Variants in CACNA1D observed in about 807,000 individuals in gnomAD.
The protein encoded by CACNA1D is calcium voltage-gated channel subunit alpha1 D, also known as voltage-dependent L-type calcium channel subunit alpha-1D.
Under a neutral mutation model 257.1 loss-of-function variants are expected in CACNA1D, and 55 were observed. The ratio of observed to expected loss-of-function variants is 0.21; its 90% CI spans 0.17 to 0.27. CACNA1D has a LOEUF of 0.27. Among genes scored for constraint, CACNA1D ranks in the 10% least tolerant of loss-of-function variants. CACNA1D has a pLI of 1.00. For synonymous variants in CACNA1D, 980 were observed against 1,014.9 expected, an observed-to-expected ratio of 0.97 and a Z score of 0.65; for missense variants, 1,876 against 2,784.0, an observed-to-expected ratio of 0.67 and a Z score of 7.34.
chr3:53,797,034 T>C (rs1328677057), intron 40 of CACNA1D, among the ~76,000 whole-genome samples: 1 of 152,170 alleles, frequency 6.6e-6, no homozygotes, highest in Admixed American at 6.5e-5. Flanking sequence ...TATGAAAGAA[T>C]AGATAATTTT....
chr3:53,786,056 TA>T (rs1232175014), intron 39 of CACNA1D: 1 of 152,324 alleles, frequency 6.6e-6, no homozygotes. Flanking sequence ...CAAAGTGGTT[TA>T]CCATGAGACA....
Position 53,811,206 on chromosome 3 carries a change from A to T in CACNA1D, c.6286A>T (p.Ile2096Phe), listed in dbSNP as rs200161467. Residue 2096 changes from isoleucine to phenylalanine, a missense_variant, in exon 48 of 48, where the codon ATC becomes TTC. Transcript: ENST00000350061. The surrounding 1 kb of genome is among the most constrained non-coding windows in gnomAD (Gnocchi z 4.2). ...AATCGCTGATGCCTGTGACCTCACCATCGACGAGATGGAGAGTGCAGCCAG... is the reference window on the plus strand; with the variant it reads ...AATCGCTGATGCCTGTGACCTCACCTTCGACGAGATGGAGAGTGCAGCCAG... Reference protein sequence around the residue: ...HEIADACDLTIDEMESAASTL... With the variant: ...HEIADACDLTFDEMESAASTL... 8.7e-6 allele frequency: 14 copies of T among 1,614,110 alleles called. No individual in the cohort carries two copies. Among genetic ancestry groups the T allele is most frequent in the Non-Finnish European group, 1.2e-5 (14 of 1,180,008 alleles).
chr3:53,715,581 C>G (rs777145999), intron 9 of CACNA1D, among the ~76,000 whole-genome samples: 10 of 152,140 alleles, frequency 6.6e-5, no homozygotes, highest in Non-Finnish European at 1.2e-4. Flanking sequence ...CCTCACTGAT[C>G]ATCCAGCCCT....
chr3:53,656,805 G>T (rs2108306859), intron 4 of CACNA1D, among the ~76,000 whole-genome samples: 1 of 152,306 alleles, frequency 6.6e-6, no homozygotes, highest in Non-Finnish European at 1.5e-5. Flanking sequence ...CATCTGAAAA[G>T]ATGCTCAACA....
At chr3:53,757,596 C>T (rs1221480941) in intron 29 of CACNA1D, among the ~76,000 whole-genome samples, 1 of 152,242 alleles carries the variant, frequency 6.6e-6, no homozygotes, top group African/African-American at 2.4e-5. Context: ...CACTGGCCAC[C>T]TATTGCTTGA....
At chr3:53,641,048 G>A (rs1040899309) in intron 3 of CACNA1D, among the ~76,000 whole-genome samples, 4 of 152,176 alleles carry the variant, frequency 2.6e-5, no homozygotes, top group African/African-American at 4.8e-5. Flanking sequence ...AAGAGCAGAC[G>A]TGAAGACCGT....
At chr3:53,559,052 A>T (rs1417098973) in intron 3 of CACNA1D, among the ~76,000 whole-genome samples, 1 of 151,756 alleles carries the variant, frequency 6.6e-6, no homozygotes, top group Non-Finnish European at 1.5e-5. Context: ...GCCTCTGCTT[A>T]TTTTTATAAT....
chr3:53,550,942 G>A (rs1447964272), intron 3 of CACNA1D, among the ~76,000 whole-genome samples: 1 of 152,158 alleles, frequency 6.6e-6, no homozygotes, highest in East Asian at 1.9e-4. Flanking sequence ...TTACAGTGAT[G>A]ATATCATTCT....
At chr3:53,802,439 C>T (rs1559714997) in intron 43 of CACNA1D, among the ~76,000 whole-genome samples, 1 of 152,212 alleles carries the variant, frequency 6.6e-6, no homozygotes, top group Non-Finnish European at 1.5e-5. Flanking sequence ...GCAGGCCTCG[C>T]GATGGCACTA....
intron 3 of CACNA1D, among the ~76,000 whole-genome samples, chr3:53,526,660 C>G (rs924753471): frequency 6.6e-5 from 10 of 152,200 alleles, no homozygotes; most frequent in African/African-American, 2.2e-4. Flanking sequence ...CATTCTTAAT[C>G]TTTCTGAGGT....
chr3:53,519,479 A>G (rs1231950796), intron 3 of CACNA1D, among the ~76,000 whole-genome samples: 1 of 152,224 alleles, frequency 6.6e-6, no homozygotes, highest in African/African-American at 2.4e-5. Flanking sequence ...TAATTGAAGC[A>G]TCTTTGACCT....
At chr3:53,732,229 CT>C in intron 18 of CACNA1D, 147 bp downstream of exon 18, 5 of 714,008 alleles carry the variant, frequency 7.0e-6, no homozygotes, top group Non-Finnish European at 7.7e-6. Flanking sequence ...GTTAGCTCGC[CT>C]TTTTCCCATG....
At chr3:53,623,540 G>T (rs879314429) in intron 3 of CACNA1D, among the ~76,000 whole-genome samples, 1 of 152,234 alleles carries the variant, frequency 6.6e-6, no homozygotes, top group Non-Finnish European at 1.5e-5. Context: ...TGTAATACAG[G>T]TTGGAATAAA....
chr3:53,731,002 C>A (rs1347538140), intron 16 of CACNA1D, 75 bp from the exon 17 acceptor site: 3 of 911,002 alleles, frequency 3.3e-6, no homozygotes, highest in Non-Finnish European at 5.4e-6. Flanking sequence ...ATTATTGATT[C>A]AGAATCCTGA....
chr3:53,789,503 T>G lies in CACNA1D; in HGVS notation c.4923+2551T>G, dbSNP rs1008849425. Among the ~76,000 whole-genome samples the G allele has an allele frequency of 1.3e-5, 2 of 152,136 alleles. No homozygotes were observed. The highest frequency in any genetic ancestry group is 2.9e-5 in the Non-Finnish European group (2 of 68,022). The stretch of plus-strand genomic sequence containing the variant: ...GAAATACCGGGTGACGATGTAGCAG[T>G]TAGGAAAATTTGGTGGGACGGCAGT... On this transcript the variant is annotated intron_variant, in intron 40 of 47. Coordinates refer to ENST00000350061, the MANE Select transcript of CACNA1D (RefSeq NM_001128840.3). The surrounding 1 kb of genome is among the most constrained non-coding windows in gnomAD (Gnocchi z 4.2).
At chr3:53,544,729 T>C (rs887304320) in intron 3 of CACNA1D, among the ~76,000 whole-genome samples, 29 of 152,158 alleles carry the variant, frequency 1.9e-4, no homozygotes, top group Non-Finnish European at 3.2e-4. Context: ...GATGCAGAGG[T>C]TGGCATGGCG....
At position 53,723,185 on chromosome 3, in the gene CACNA1D, G is replaced by A. The variant is rs2108718523; in HGVS notation, c.1667-249G>A. Among the ~76,000 whole-genome samples, 1 of 152,262 alleles carries A rather than the reference G, an allele frequency of 6.6e-6. No homozygotes were observed. Among genetic ancestry groups the A allele is most frequent in the East Asian group, 1.9e-4 (1 of 5,174 alleles). ...TTCCCATTTTGTCATCAGTGACACT[G>A]AGACCTGGAGAAATCAAGTAACTTC... On this transcript the variant is annotated intron_variant, in intron 12 of 47. Coordinates refer to ENST00000350061, the MANE Select transcript of CACNA1D (RefSeq NM_001128840.3). The surrounding 1 kb of genome is among the most constrained non-coding windows in gnomAD (Gnocchi z 5.6).
At chr3:53,799,507 T>C (rs1480410553) in intron 40 of CACNA1D, among the ~76,000 whole-genome samples, 1 of 152,248 alleles carries the variant, frequency 6.6e-6, no homozygotes, top group Admixed American at 6.5e-5. Flanking sequence ...GGGTGTCTTC[T>C]GGTGGGTCTT....
chr3:53,742,297 T>G (rs2095125551), intron 21 of CACNA1D, among the ~76,000 whole-genome samples: 1 of 152,196 alleles, frequency 6.6e-6, no homozygotes. Flanking sequence ...CTGTATATAT[T>G]TTGCTATTTT....
Sources: gnomAD v4.1 joint callset for allele counts (sites outside exome capture counted in the v4.1 genomes callset) on GRCh38, gnomAD v4.1.1 for gene constraint, Gnocchi (gnomAD v3.1) non-coding constraint, MANE v1.5 for transcripts, NCBI Gene and HGNC (gene_info 2026-07-23, HGNC 2026-07-21) for gene names.